Variants in GCG observed in about 807,000 individuals in gnomAD.
The protein encoded by GCG is pro-glucagon.
GCG carries 11 observed loss-of-function variants against 22.8 expected under a neutral mutation model. The observed-to-expected ratio is 0.48, with a 90% confidence interval of 0.30 to 0.80. The LOEUF (loss-of-function observed/expected upper bound fraction) is 0.80, where lower values mean the gene tolerates loss of function less well. GCG is among the 30% of genes least tolerant of loss of function. The pLI is 0.06. For synonymous variants in GCG, 89 were observed against 72.4 expected (o/e 1.23, Z -1.16); for missense variants, 222 against 222.0 (o/e 1.00, Z 0.00).
intron 1 of GCG, among the ~76,000 whole-genome samples, chr2:162,151,503 T>C (rs181811749): frequency 6.2e-4 from 94 of 152,248 alleles, no homozygotes; most frequent in African/African-American, 2.2e-3. Context: ...CTATTTATCC[T>C]CAATACATAG....
chr2:162,143,518 A>G (rs900386892), intron 5 of GCG, 148 bp from the exon 6 acceptor site: 3 of 457,328 alleles, frequency 6.6e-6, no homozygotes, highest in Admixed American at 3.9e-5. Context: ...TGGACTCTTA[A>G]AATATTTTCA....
rs970698625 is a variant in GCG, at chr2:162,145,476, T to G, written c.392+64A>C. On this transcript the variant is annotated intron_variant, in intron 4 of 5. Transcript: ENST00000418842. Reference sequence around the variant, plus strand: ...TCTGTAATCCAGATCCATATATAGATAACTGTAGTCTTAAATTTTCTGCAT... The same window carrying G: ...TCTGTAATCCAGATCCATATATAGAGAACTGTAGTCTTAAATTTTCTGCAT... The G allele has an allele frequency of 1.3e-5, 17 of 1,341,958 alleles. No individual in the cohort carries two copies. In the African/African-American group the frequency reaches 2.3e-4, roughly 18 times the overall value. 83.1% of individuals were successfully genotyped at this position (1,341,958 alleles called of 1,614,324 possible). A position where few individuals can be genotyped will look rare whatever the true frequency, so the allele number is the denominator to read the frequency against.
Position 162,143,376 on chromosome 2 carries a change from G to T in GCG, c.537-6C>A. 2 of 1,119,804 alleles carry T rather than the reference G, an allele frequency of 1.8e-6. No individual in the cohort carries two copies. The highest frequency in any genetic ancestry group is 2.6e-5 in the East Asian group (1 of 37,992). The allele number at this position is 1,119,804 out of a possible 1,614,324, so 69.4% of individuals were successfully genotyped here. A position where few individuals can be genotyped will look rare whatever the true frequency, so the allele number is the denominator to read the frequency against. Reference sequence around the variant, plus strand: ...AATAGTGATATAGTTATTTCCTAGAGATTAAAAAAAGAAAATGATTTAACA... The same window carrying T: ...AATAGTGATATAGTTATTTCCTAGATATTAAAAAAAGAAAATGATTTAACA... On this transcript the variant is annotated splice_polypyrimidine_tract_variant and splice_region_variant and intron_variant, in intron 5 of 5. Coordinates refer to ENST00000418842, the MANE Select transcript of GCG (RefSeq NM_002054.5).
At chr2:162,149,906 T>A (rs932626004) in intron 1 of GCG, among the ~76,000 whole-genome samples, 2 of 152,050 alleles carry the variant, frequency 1.3e-5, no homozygotes. Context: ...GAGATTACTA[T>A]GTAAAAAAAA....
At chr2:162,151,071 T>A (rs906609206) in intron 1 of GCG, among the ~76,000 whole-genome samples, 1 of 152,136 alleles carries the variant, frequency 6.6e-6, no homozygotes, top group Non-Finnish European at 1.5e-5. Context: ...TAGAGATTTA[T>A]GTTATTTTAG....
At chr2:162,149,249 G>A (rs368779330) in intron 1 of GCG, 62 bp from the exon 2 acceptor site, 5 of 883,920 alleles carry the variant, frequency 5.7e-6, no homozygotes, top group African/African-American at 1.6e-5. Flanking sequence ...AAACATGTCA[G>A]GCTAAATTAA....
intron 1 of GCG, among the ~76,000 whole-genome samples, chr2:162,150,241 G>A (rs573587325): frequency 6.6e-6 from 1 of 152,270 alleles, no homozygotes; most frequent in East Asian, 1.9e-4. Context: ...TGTTTCCTTT[G>A]AGAAGCGGGC....
At chr2:162,150,839 G>T (rs1429719262) in intron 1 of GCG, among the ~76,000 whole-genome samples, 1 of 152,044 alleles carries the variant, frequency 6.6e-6, no homozygotes, top group Non-Finnish European at 1.5e-5. Flanking sequence ...AGGATTTAGA[G>T]CAGGAGGTAT....
At chr2:162,147,740 A>G in intron 2 of GCG, 1 of 562,840 alleles carries the variant, frequency 1.8e-6, no homozygotes, top group East Asian at 3.3e-5. Context: ...ATGTTTCTCA[A>G]CTGACTTCTT....
At position 162,143,108 on chromosome 2, in the gene GCG, A is replaced by G. The variant is rs935525522; in HGVS notation, c.*256T>C. ...TCGCTAAATGTAAACAGGTTGGGGT[A>G]CTTCATCCAAAATAAGAAGAAAATA... On this transcript the variant is annotated 3_prime_UTR_variant, in exon 6 of 6. Transcript: ENST00000418842. The G allele has an allele frequency of 2.8e-6, 1 of 352,098 alleles. No individual in the cohort carries two copies. The highest frequency in any genetic ancestry group is 2.1e-5 in the African/African-American group (1 of 47,242). The allele number at this position is 352,098 out of a possible 1,614,324, so 21.8% of individuals were successfully genotyped here.
At chr2:162,147,554 C>G (rs768277485) in intron 2 of GCG, 40 bp from the exon 3 acceptor site, 2 of 1,580,108 alleles carry the variant, frequency 1.3e-6, no homozygotes, top group East Asian at 4.5e-5. Context: ...AATCTCTCCT[C>G]AAGAGTAGAC....
At chr2:162,144,264 G>A in intron 4 of GCG, 94 bp from the exon 5 acceptor site, 1 of 983,200 alleles carries the variant, frequency 1.0e-6, no homozygotes. Context: ...CAAGTGTCTT[G>A]AGGAAACAGT....
At chr2:162,147,277 T>G in intron 3 of GCG, 76 bp downstream of exon 3, 2 of 1,098,644 alleles carry the variant, frequency 1.8e-6, no homozygotes, top group Non-Finnish European at 2.7e-6. Context: ...GCATAAGAAC[T>G]TAATAATGTC....
chr2:162,143,860 A>G, intron 5 of GCG, 167 bp downstream of exon 5: 1 of 652,868 alleles, frequency 1.5e-6, no homozygotes, highest in Non-Finnish European at 2.7e-6. Flanking sequence ...TAATGATACA[A>G]AACAAACATA....
At chr2:162,145,153 C>T (rs1396582543) in intron 4 of GCG, 1 of 154,474 alleles carries the variant, frequency 6.5e-6, no homozygotes, top group Non-Finnish European at 1.4e-5. Context: ...GTTTTCTTTA[C>T]ATATTTGAAG....
At chr2:162,144,431 T>C (rs1221444026) in intron 4 of GCG, 1 of 412,552 alleles carries the variant, frequency 2.4e-6, no homozygotes, top group Non-Finnish European at 4.4e-6. Flanking sequence ...TTTGAAGATT[T>C]TAGTATATTG....
At chr2:162,143,960 G>A in intron 5 of GCG, 67 bp downstream of exon 5, 11 of 1,344,956 alleles carry the variant, frequency 8.2e-6, no homozygotes, top group East Asian at 6.9e-5. Context: ...GGAACAGCTT[G>A]CAGCAGTATG....
intron 1 of GCG, 126 bp from the exon 2 acceptor site, chr2:162,149,313 C>CT: frequency 1.7e-6 from 1 of 583,924 alleles, no homozygotes; most frequent in African/African-American, 1.9e-5. Context: ...AGTGTTATCA[C>CT]TTTTATTCTG....
Position 162,144,080 on chromosome 2 carries a change from A to G in GCG, c.483T>C (p.Asn161=). The G allele has an allele frequency of 6.2e-7, 1 of 1,612,922 alleles. No individual in the cohort carries two copies. The highest frequency in any genetic ancestry group is 8.5e-7 in the Non-Finnish European group (1 of 1,179,052). ...FSDEMNTILD[N]LAARDFINWL... Reference sequence around the variant, plus strand: ...AGTTTATAAAGTCCCTGGCGGCAAGATTATCAAGAATGGTGTTCATCTCAT... The same window carrying G: ...AGTTTATAAAGTCCCTGGCGGCAAGGTTATCAAGAATGGTGTTCATCTCAT... Residue 161 remains asparagine (N), a synonymous_variant, in exon 5 of 6, where the codon AAT becomes AAC. Coordinates refer to ENST00000418842, the MANE Select transcript of GCG (RefSeq NM_002054.5).
Sources: allele counts gnomAD v4.1 joint callset (sites outside exome capture counted in the v4.1 genomes callset), GRCh38; gene constraint gnomAD v4.1.1; transcripts MANE v1.5; gene names NCBI Gene and HGNC (gene_info 2026-07-23, HGNC 2026-07-21).